KAZN: variants seen among roughly 807,000 people sequenced by gnomAD.
KAZN encodes the protein kazrin, periplakin interacting protein, also known as kazrin.
In KAZN, 40 loss-of-function variants were observed where a neutral mutation model predicts 87.4. The ratio of observed to expected loss-of-function variants is 0.46; its 90% confidence interval spans 0.36 to 0.60. The LOEUF (loss-of-function observed/expected upper bound fraction) is 0.60. KAZN is among the 20% of genes least tolerant of loss of function. KAZN has a pLI of 0.00. For missense variants in KAZN, 898 were observed against 1,073.9 expected, an observed-to-expected ratio of 0.84 and a Z score of 2.29; for synonymous variants, 466 against 458.3, an observed-to-expected ratio of 1.02 and a Z score of -0.22.
At chr1:13,926,002 G>A (rs1640261177) in intron 1 of KAZN, among the ~76,000 whole-genome samples, 1 of 152,202 alleles carries the variant, frequency 6.6e-6, no homozygotes, top group Admixed American at 6.5e-5. Context: ...AGACTTGGGA[G>A]GGGCACATAT....
intron 1 of KAZN, among the ~76,000 whole-genome samples, chr1:13,995,682 C>A (rs930545359): frequency 1.3e-5 from 2 of 152,196 alleles, no homozygotes; most frequent in African/African-American, 4.8e-5. Context: ...GGGAGACTGG[C>A]CTAGCCTCTC....
chr1:14,921,940 G>A (rs1018226079), intron 1 of KAZN, among the ~76,000 whole-genome samples: 4 of 152,176 alleles, frequency 2.6e-5, no homozygotes, highest in African/African-American at 4.8e-5. Context: ...TTGAACTCTT[G>A]ACGTCAAGTC....
chr1:14,366,614 C>T (rs1432692483), intron 2 of KAZN, among the ~76,000 whole-genome samples: 2 of 152,170 alleles, frequency 1.3e-5, no homozygotes, highest in South Asian at 2.1e-4. Flanking sequence ...GTGCAGGAGC[C>T]GTGGGCGAGC....
chr1:14,671,175 T>C (rs1639894473), intron 1 of KAZN, among the ~76,000 whole-genome samples: 1 of 152,134 alleles, frequency 6.6e-6, no homozygotes, highest in South Asian at 2.1e-4. Flanking sequence ...CAATATTTGG[T>C]TTATCTAGGG....
chr1:14,632,676 C>T (rs1027955116), intron 1 of KAZN, among the ~76,000 whole-genome samples: 4 of 150,610 alleles, frequency 2.7e-5, no homozygotes, highest in South Asian at 4.2e-4. Flanking sequence ...TTGCACTGTT[C>T]TCAGCTAGGA....
chr1:14,445,325 C>T (rs925319030), intron 2 of KAZN, among the ~76,000 whole-genome samples: 2 of 152,178 alleles, frequency 1.3e-5, no homozygotes, highest in Non-Finnish European at 2.9e-5. Context: ...TGCACCCGGC[C>T]AACTGGTGTG....
chr1:14,190,264 T>C (rs967408805), intron 2 of KAZN, among the ~76,000 whole-genome samples: 1 of 152,006 alleles, frequency 6.6e-6, no homozygotes. Context: ...ATGTGAAAAA[T>C]AAAGGTAGTG....
At chr1:14,484,643 G>A (rs1024020768) in intron 2 of KAZN, among the ~76,000 whole-genome samples, 1 of 152,234 alleles carries the variant, frequency 6.6e-6, no homozygotes, top group Admixed American at 6.5e-5. Context: ...AGGGTCTGCA[G>A]GCTGGCTGCC....
intron 1 of KAZN, among the ~76,000 whole-genome samples, chr1:14,065,243 T>C (rs562033908): frequency 6.6e-6 from 1 of 152,294 alleles, no homozygotes; most frequent in East Asian, 1.9e-4. Flanking sequence ...TCAGGTCACA[T>C]GGACGGTGAA....
chr1:14,308,306 CTA>C (rs752601821), intron 2 of KAZN, among the ~76,000 whole-genome samples: 193 of 152,140 alleles, frequency 1.3e-3, no homozygotes, highest in Non-Finnish European at 2.4e-3. Context: ...TTTTTGATAA[CTA>C]TTGAGATTAT....
At chr1:14,109,137 G>A (rs1451227064) in intron 1 of KAZN, among the ~76,000 whole-genome samples, 2 of 152,178 alleles carry the variant, frequency 1.3e-5, no homozygotes, top group African/African-American at 2.4e-5. Context: ...CCTGGGTACC[G>A]AAGATTGTGG....
exon 1 of KAZN, chr1:13,893,230 C>G (rs1180094831): frequency 6.5e-6 from 1 of 154,194 alleles, no homozygotes; most frequent in Non-Finnish European, 1.4e-5. Flanking sequence ...GGGGCCTGGG[C>G]AGCGCTCTGC....
chr1:14,077,158 TG>T (rs1174296493), intron 1 of KAZN, among the ~76,000 whole-genome samples: 4 of 152,178 alleles, frequency 2.6e-5, no homozygotes, highest in Non-Finnish European at 5.9e-5. Context: ...CTGTGTTACA[TG>T]GGGCTTTAGG....
intron 4 of KAZN, among the ~76,000 whole-genome samples, chr1:15,055,111 C>CA (rs5772616): frequency 1 from 152,189 of 152,376 alleles, 76,001 homozygotes; most frequent in Middle Eastern, 1. Flanking sequence ...TAATGGGAGC[C>CA]AAACACCTTT....
At chr1:14,395,118 AAGG>A (rs1373546765) in intron 2 of KAZN, among the ~76,000 whole-genome samples, 1 of 152,116 alleles carries the variant, frequency 6.6e-6, no homozygotes, top group African/African-American at 2.4e-5. Context: ...GAAAAGAAGG[AAGG>A]AGAGGAGAGA....
At chr1:14,915,989 C>A (rs917518763) in intron 1 of KAZN, among the ~76,000 whole-genome samples, 1 of 152,016 alleles carries the variant, frequency 6.6e-6, no homozygotes, top group African/African-American at 2.4e-5. Flanking sequence ...AGTGACTTGA[C>A]CTCTCTGTGT....
intron 2 of KAZN, among the ~76,000 whole-genome samples, chr1:14,563,874 C>CTTTTTTTTTT (rs540880203): frequency 1.8e-4 from 18 of 97,918 alleles, no homozygotes; most frequent in Non-Finnish European, 2.2e-4. Flanking sequence ...GTTCAAACTC[C>CTTTTTTTTTT]TTTTTTTTTT....
chr1:14,325,158 G>T (rs191437987), intron 2 of KAZN, among the ~76,000 whole-genome samples: 28 of 151,786 alleles, frequency 1.8e-4, no homozygotes, highest in African/African-American at 6.1e-4. Context: ...TGGACATGTT[G>T]TGTGTGTTTG....
At chr1:14,098,607 C>T (rs867761913) in intron 1 of KAZN, among the ~76,000 whole-genome samples, 2 of 152,192 alleles carry the variant, frequency 1.3e-5, no homozygotes, top group Non-Finnish European at 2.9e-5. Context: ...CCTCCAGCAT[C>T]CCTCTGCCCA....
Sources: allele counts gnomAD v4.1 joint callset (sites outside exome capture counted in the v4.1 genomes callset), GRCh38; gene constraint gnomAD v4.1.1; transcripts MANE v1.5; gene names NCBI Gene and HGNC (gene_info 2026-07-23, HGNC 2026-07-21).